NDUFAF1: variants seen among roughly 807,000 people sequenced by gnomAD.
NDUFAF1 encodes NADH:ubiquinone oxidoreductase complex assembly factor 1.
A neutral mutation model predicts 28.7 loss-of-function variants in NDUFAF1; 18 were observed. The observed-to-expected ratio is 0.63, with a 90% CI of 0.43 to 0.93. The LOEUF (loss-of-function observed/expected upper bound fraction) is 0.93, where lower values mean the gene tolerates loss of function less well. NDUFAF1 is among the 40% of genes least tolerant of loss of function. The probability of loss-of-function intolerance (pLI) is 0.00; values close to 1 mark genes in which losing one functional copy is unlikely to be tolerated. For missense variants in NDUFAF1, 404 were observed against 398.3 expected (o/e 1.01, Z -0.12); for synonymous variants, 113 against 139.7 (o/e 0.81, Z 1.35).
chr15:41,399,350 C>T (rs1430518569), intron 1 of NDUFAF1, among the ~76,000 whole-genome samples: 3 of 150,272 alleles, frequency 2.0e-5, no homozygotes, highest in Non-Finnish European at 4.4e-5. Flanking sequence ...GAGCCGAGAT[C>T]GTGCCATTGC....
At chr15:41,395,313 A>G (rs2050370089) in intron 2 of NDUFAF1, among the ~76,000 whole-genome samples, 1 of 152,060 alleles carries the variant, frequency 6.6e-6, no homozygotes, top group Non-Finnish European at 1.5e-5. Flanking sequence ...ATGGAAATGA[A>G]TGTATTTCCT....
At chr15:41,395,299 A>G (rs555170812) in intron 2 of NDUFAF1, among the ~76,000 whole-genome samples, 2 of 152,318 alleles carry the variant, frequency 1.3e-5, no homozygotes, top group African/African-American at 4.8e-5. Context: ...CCTGTGTTCA[A>G]TGAATGGAAA....
intron 1 of NDUFAF1, among the ~76,000 whole-genome samples, chr15:41,400,286 G>T (rs2050444413): frequency 6.7e-6 from 1 of 148,192 alleles, no homozygotes; most frequent in Non-Finnish European, 1.5e-5. Flanking sequence ...CAGGAGAATA[G>T]CTTGAACAGG....
intron 1 of NDUFAF1, among the ~76,000 whole-genome samples, chr15:41,397,801 GA>G (rs570795672): frequency 3.0e-3 from 300 of 101,388 alleles, no homozygotes; most frequent in Middle Eastern, 7.2e-3. Flanking sequence ...TCTGTCTCGG[GA>G]AAAAAAAAAA....
chr15:41,396,419 T>C, intron 2 of NDUFAF1, 68 bp downstream of exon 2: 2 of 1,471,626 alleles, frequency 1.4e-6, no homozygotes. Context: ...AGCTATCTTC[T>C]ATAGTTTATG....
At chr15:41,388,655 C>T in intron 3 of NDUFAF1, 133 bp from the exon 4 acceptor site, 1 of 664,180 alleles carries the variant, frequency 1.5e-6, no homozygotes, top group Non-Finnish European at 2.7e-6. Context: ...AATGGCTAGC[C>T]ATTTGGATCA....
intron 1 of NDUFAF1, among the ~76,000 whole-genome samples, chr15:41,397,948 C>T (rs1212058045): frequency 6.8e-6 from 1 of 147,066 alleles, no homozygotes; most frequent in African/African-American, 2.5e-5. Context: ...TTCCTTGAAC[C>T]TGGGAGGAGG....
At position 41,395,055 on chromosome 15, in the gene NDUFAF1, GAAAGT is replaced by G. The variant is rs1185768908; in HGVS notation, c.574-16_574-12del. Reference sequence around the variant, plus strand: ...CCTCTCAAAAGCACCCTAAGATATTGAAAGTAAAGTTCATTGTACCTCATTCTCCA... The same window carrying G: ...CCTCTCAAAAGCACCCTAAGATATTGAAAGTTCATTGTACCTCATTCTCCA... On this transcript the variant is annotated splice_polypyrimidine_tract_variant and intron_variant, in intron 2 of 4. Coordinates refer to ENST00000260361, the MANE Select transcript of NDUFAF1 (RefSeq NM_016013.4). The G allele has an allele frequency of 6.2e-7, 1 of 1,612,512 alleles. No individual in the cohort carries two copies. The highest frequency in any genetic ancestry group is 1.7e-5 in the Admixed American group (1 of 59,672).
chr15:41,394,835 A>C, intron 3 of NDUFAF1, 24 bp downstream of exon 3: 1 of 1,613,112 alleles, frequency 6.2e-7, no homozygotes, highest in Non-Finnish European at 8.5e-7. Flanking sequence ...CATTTTTATA[A>C]ACAATGAAGA....
At chr15:41,394,399 A>C (rs980886478) in intron 3 of NDUFAF1, 3 of 1,288,528 alleles carry the variant, frequency 2.3e-6, no homozygotes, top group African/African-American at 1.5e-5. Flanking sequence ...AAAAACAAAC[A>C]AACCCCATCT....
intron 1 of NDUFAF1, 36 bp downstream of exon 1, chr15:41,402,108 A>G (rs2050471092): frequency 4.7e-6 from 2 of 423,224 alleles, no homozygotes; most frequent in South Asian, 3.3e-5. Context: ...ACGCAGCTAG[A>G]AGTGAGTAGA....
chr15:41,392,062 T>G (rs562025987), intron 3 of NDUFAF1, among the ~76,000 whole-genome samples: 2 of 148,910 alleles, frequency 1.3e-5, no homozygotes, highest in African/African-American at 4.9e-5. Context: ...GTTTGGACTT[T>G]ATTCTTTTTT....
intron 2 of NDUFAF1, among the ~76,000 whole-genome samples, chr15:41,395,315 G>A (rs1260992699): frequency 2.0e-5 from 3 of 151,820 alleles, no homozygotes; most frequent in South Asian, 2.1e-4. Flanking sequence ...GGAAATGAAT[G>A]TATTTCCTTT....
chr15:41,395,346 GACTTT>G (rs2050370520), intron 2 of NDUFAF1, among the ~76,000 whole-genome samples: 1 of 151,706 alleles, frequency 6.6e-6, no homozygotes. Flanking sequence ...ATGGAGCAAT[GACTTT>G]TTCTTTTCTT....
intron 3 of NDUFAF1, among the ~76,000 whole-genome samples, chr15:41,390,671 G>A (rs1343333874): frequency 1.3e-5 from 2 of 151,310 alleles, no homozygotes; most frequent in Admixed American, 6.6e-5. Flanking sequence ...CTTGCAGTGA[G>A]CAGAGATCGT....
Position 41,387,489 on chromosome 15 carries a change from A to C in NDUFAF1, c.939T>G (p.Phe313Leu). 3 of 1,613,768 alleles carry C rather than the reference A, an allele frequency of 1.9e-6. No homozygotes were observed. Among genetic ancestry groups the C allele is most frequent in the Non-Finnish European group, 2.5e-6 (3 of 1,179,660 alleles). Reference sequence around the variant, plus strand: ...TAAGCTCTGGAGAATTTTCATAGGCAAATTCTTCTGTATGAGCTGGATCAG... The same window carrying C: ...TAAGCTCTGGAGAATTTTCATAGGCCAATTCTTCTGTATGAGCTGGATCAG... ...VFTDPAHTEE[F>L]AYENSPELNP... The change falls in exon 5 of 5, where the codon TTT (phenylalanine) becomes TTG (leucine). Residue 313 changes from phenylalanine to leucine, a missense_variant. By Grantham distance (22) the Phe-to-Leu change is conservative. Coordinates refer to ENST00000260361, the MANE Select transcript of NDUFAF1 (RefSeq NM_016013.4).
At chr15:41,400,972 C>CA (rs2050454728) in intron 1 of NDUFAF1, among the ~76,000 whole-genome samples, 1 of 144,234 alleles carries the variant, frequency 6.9e-6, no homozygotes, top group South Asian at 2.2e-4. Flanking sequence ...ATTATCAATA[C>CA]TTTTTTTTTT....
In NDUFAF1 at chr15:41,394,883, C is replaced by T. The variant is rs1178058648; in HGVS notation, c.735G>A (p.Gly245=). 1 of 1,613,970 alleles carries T rather than the reference C, an allele frequency of 6.2e-7. No individual in the cohort carries two copies. The highest frequency in any genetic ancestry group is 2.2e-5 in the East Asian group (1 of 44,866). The change falls in exon 3 of 5, where the codon GGG becomes GGA. Residue 245 remains glycine (G), a synonymous_variant. Coordinates refer to ENST00000260361, the MANE Select transcript of NDUFAF1 (RefSeq NM_016013.4). Reference sequence around the variant, plus strand: ...CCTTGACCTCCTGCCAGTAGGGTCCCCCGCGGGTGAACATGAAGTAACTAT... The same window carrying T: ...CCTTGACCTCCTGCCAGTAGGGTCCTCCGCGGGTGAACATGAAGTAACTAT... The part of the protein sequence containing the change: ...QMYSYFMFTR[G]GPYWQEVKIP...
rs1410169372 is a variant in NDUFAF1 at position 41,402,320 on chromosome 15, T to C, written c.-258A>G. ...CCGCCTTGGCGTATACCTCCCGCAC[T>C]CACGGCCTGGCCTCCGGAGGCTAGA... On this transcript the variant is annotated 5_prime_UTR_variant, in exon 1 of 5. Transcript: ENST00000260361. 4 of 453,974 alleles carry C rather than the reference T, an allele frequency of 8.8e-6. No homozygotes were observed. Among genetic ancestry groups the C allele is most frequent in the African/African-American group, 2.0e-5 (1 of 49,996 alleles). 28.1% of individuals were successfully genotyped at this position (453,974 alleles called of 1,614,324 possible). A position where few individuals can be genotyped will look rare whatever the true frequency, so the allele number is the denominator to read the frequency against.
Sources: gnomAD v4.1 joint callset for allele counts (sites outside exome capture counted in the v4.1 genomes callset) on GRCh38, gnomAD v4.1.1 for gene constraint, MANE v1.5 for transcripts, NCBI Gene and HGNC (gene_info 2026-07-23, HGNC 2026-07-21) for gene names.